The following CNTN5 variants were observed in gnomAD, a reference collection of about 807,000 sequenced individuals.
CNTN5 encodes contactin-5.
Under a neutral mutation model 129.1 loss-of-function variants are expected in CNTN5, and 77 were observed. The ratio of observed to expected loss-of-function variants is 0.60; its 90% CI spans 0.50 to 0.72. CNTN5 has a LOEUF of 0.72. Ranked by LOEUF, CNTN5 falls within the 30% of genes least tolerant of loss-of-function variation. The pLI, the probability that CNTN5 is intolerant of heterozygous loss-of-function variation, is 0.00. For missense variants in CNTN5, 1,478 were observed against 1,328.8 expected, an observed-to-expected ratio of 1.11 and a Z score of -1.75; for synonymous variants, 509 against 465.6, an observed-to-expected ratio of 1.09 and a Z score of -1.20.
intron 1 of CNTN5, among the ~76,000 whole-genome samples, chr11:99,182,987 A>G (rs1858158325): frequency 6.6e-6 from 1 of 152,166 alleles, no homozygotes; most frequent in East Asian, 1.9e-4. Flanking sequence ...ATATATATAA[A>G]TAAACATCTG....
intron 3 of CNTN5, among the ~76,000 whole-genome samples, chr11:99,819,301 TTC>T (rs1946695796): frequency 1.7e-5 from 1 of 59,838 alleles, no homozygotes; most frequent in Non-Finnish European, 3.3e-5. Flanking sequence ...TCTCCTCCCC[TTC>T]CCTCCCCTCT....
At chr11:99,742,666 C>CAAG (rs2135166625) in intron 3 of CNTN5, among the ~76,000 whole-genome samples, 1 of 152,174 alleles carries the variant, frequency 6.6e-6, no homozygotes, top group African/African-American at 2.4e-5. Context: ...GAGACTTGTG[C>CAAG]AAGATTCCAT....
intron 3 of CNTN5, among the ~76,000 whole-genome samples, chr11:99,620,270 A>T (rs180709644): frequency 2.9e-3 from 447 of 151,980 alleles, no homozygotes; most frequent in African/African-American, 9.5e-3. Context: ...TATTTTATCC[A>T]TAATGAGTTC....
At chr11:100,252,647 T>C (rs1414641726) in intron 16 of CNTN5, among the ~76,000 whole-genome samples, 5 of 152,232 alleles carry the variant, frequency 3.3e-5, no homozygotes, top group African/African-American at 1.2e-4. Flanking sequence ...ATCCAATTTT[T>C]CCAGAACCAT....
chr11:99,990,638 G>A (rs1939023323), intron 8 of CNTN5, among the ~76,000 whole-genome samples: 1 of 151,690 alleles, frequency 6.6e-6, no homozygotes, highest in South Asian at 2.1e-4. Context: ...TATTTACATA[G>A]CAATCACTCA....
At chr11:99,659,608 T>G (rs1952522156) in intron 3 of CNTN5, among the ~76,000 whole-genome samples, 2 of 152,076 alleles carry the variant, frequency 1.3e-5, no homozygotes, top group Admixed American at 6.6e-5. Context: ...GCTAGAGACC[T>G]AGGGAAAAGT....
chr11:99,330,508 C>T (rs1591531838), intron 2 of CNTN5, among the ~76,000 whole-genome samples: 3 of 152,150 alleles, frequency 2.0e-5, no homozygotes, highest in Admixed American at 2.0e-4. Flanking sequence ...TACACAGCAC[C>T]CTTTCCTAAT....
intron 17 of CNTN5, among the ~76,000 whole-genome samples, chr11:100,262,254 C>A (rs988018459): frequency 2.6e-5 from 4 of 152,220 alleles, no homozygotes; most frequent in East Asian, 3.9e-4. Flanking sequence ...CCATCTCATG[C>A]CAGTTAGAAT....
At chr11:100,012,353 G>T (rs1940583193) in intron 9 of CNTN5, among the ~76,000 whole-genome samples, 1 of 152,134 alleles carries the variant, frequency 6.6e-6, no homozygotes, top group African/African-American at 2.4e-5. Context: ...TAGACGTGTG[G>T]ATGTACCGCT....
intron 4 of CNTN5, among the ~76,000 whole-genome samples, chr11:99,823,842 C>A (rs940839863): frequency 6.6e-6 from 1 of 151,974 alleles, no homozygotes; most frequent in African/African-American, 2.4e-5. Context: ...CATTTACATG[C>A]ATATATTTAT....
chr11:100,145,472 C>G (rs1271380094), intron 13 of CNTN5, among the ~76,000 whole-genome samples: 3 of 152,112 alleles, frequency 2.0e-5, no homozygotes, highest in Non-Finnish European at 4.4e-5. Flanking sequence ...AGGTGTTACA[C>G]ATTTGCAACA....
intron 1 of CNTN5, among the ~76,000 whole-genome samples, chr11:99,169,120 G>A (rs1168477585): frequency 6.6e-6 from 1 of 152,144 alleles, no homozygotes; most frequent in Non-Finnish European, 1.5e-5. Flanking sequence ...AGCATCTCAG[G>A]CCTCATAAAC....
intron 3 of CNTN5, among the ~76,000 whole-genome samples, chr11:99,663,247 A>G (rs1952661585): frequency 6.6e-6 from 1 of 152,148 alleles, no homozygotes; most frequent in Admixed American, 6.5e-5. Context: ...GGGCTGGCAG[A>G]TCCTGAGGTC....
At chr11:99,278,779 T>C (rs574670345) in intron 1 of CNTN5, among the ~76,000 whole-genome samples, 1 of 151,848 alleles carries the variant, frequency 6.6e-6, no homozygotes, top group African/African-American at 2.4e-5. Context: ...GACCATTAAT[T>C]AGTATAATTT....
chr11:99,075,279 G>A (rs75898542), intron 1 of CNTN5, among the ~76,000 whole-genome samples: 3,088 of 152,102 alleles, frequency 0.02, 73 homozygotes, highest in African/African-American at 0.055. Flanking sequence ...TGATGTATGG[G>A]CCTAAAAACA....
chr11:99,984,898 C>T (rs1938574994), intron 8 of CNTN5, among the ~76,000 whole-genome samples: 1 of 152,184 alleles, frequency 6.6e-6, no homozygotes, highest in Non-Finnish European at 1.5e-5. Context: ...ACTCGGCCCA[C>T]TGTGCTCAAC....
intron 2 of CNTN5, among the ~76,000 whole-genome samples, chr11:99,419,353 A>G (rs17133515): frequency 0.11 from 16,119 of 152,194 alleles, 1,276 homozygotes; most frequent in East Asian, 0.31. Context: ...GGATAATGAA[A>G]CTAAGTGAAT....
intron 21 of CNTN5, among the ~76,000 whole-genome samples, chr11:100,316,147 GA>G (rs751231869): frequency 2.6e-5 from 4 of 152,192 alleles, no homozygotes; most frequent in Non-Finnish European, 5.9e-5. Context: ...CAAATTCAGA[GA>G]AGATGCCAGT....
At chr11:99,645,260 AAC>A (rs1367868391) in intron 3 of CNTN5, among the ~76,000 whole-genome samples, 9 of 82,626 alleles carry the variant, frequency 1.1e-4, no homozygotes, top group Admixed American at 4.3e-4. Flanking sequence ...GCTCCATCTC[AAC>A]AAAAAAAAAA....
Sources: gnomAD v4.1 joint callset for allele counts (sites outside exome capture counted in the v4.1 genomes callset) on GRCh38, gnomAD v4.1.1 for gene constraint, MANE v1.5 for transcripts, NCBI Gene and HGNC (gene_info 2026-07-23, HGNC 2026-07-21) for gene names.